The following MAN1C1 variants were observed in gnomAD, a reference collection of about 807,000 sequenced individuals.
MAN1C1 encodes the protein mannosyl-oligosaccharide 1,2-alpha-mannosidase IC.
In MAN1C1, 49 loss-of-function variants were observed where a neutral mutation model predicts 71.5. That is an observed-to-expected ratio of 0.69 (90% CI 0.54 to 0.87). The LOEUF (loss-of-function observed/expected upper bound fraction) is 0.87, where lower values mean the gene tolerates loss of function less well. Ranked by LOEUF, MAN1C1 falls within the 40% of genes least tolerant of loss-of-function variation. The probability of loss-of-function intolerance (pLI) is 0.00; values close to 1 mark genes in which losing one functional copy is unlikely to be tolerated. For missense variants in MAN1C1, 743 were observed against 835.0 expected (o/e 0.89, Z 1.36); for synonymous variants, 352 against 343.7 (o/e 1.02, Z -0.27).
chr1:25,632,464 A>C (rs1277091771), intron 1 of MAN1C1, among the ~76,000 whole-genome samples: 1 of 151,662 alleles, frequency 6.6e-6, no homozygotes, highest in Non-Finnish European at 1.5e-5. Context: ...TTTTTATTTC[A>C]TCTTTTGTAT....
chr1:25,694,253 A>G (rs75228458), intron 2 of MAN1C1, among the ~76,000 whole-genome samples: 1 of 152,168 alleles, frequency 6.6e-6, no homozygotes, highest in Admixed American at 6.5e-5. Flanking sequence ...CCCTGTAAAA[A>G]GTAGCAGTTC....
chr1:25,763,737 T>C, intron 6 of MAN1C1, 137 bp from the exon 7 acceptor site: 1 of 705,108 alleles, frequency 1.4e-6, no homozygotes, highest in Non-Finnish European at 2.5e-6. Context: ...TGCAGTCCGT[T>C]GGGCAGCTCT....
chr1:25,781,537 A>T (rs1341053059), intron 10 of MAN1C1, among the ~76,000 whole-genome samples: 1 of 150,638 alleles, frequency 6.6e-6, no homozygotes, highest in Non-Finnish European at 1.5e-5. Flanking sequence ...GGACCCCCCC[A>T]CCCTAGTCTC....
At chr1:25,641,620 G>C (rs1241354075) in intron 1 of MAN1C1, among the ~76,000 whole-genome samples, 2 of 152,200 alleles carry the variant, frequency 1.3e-5, no homozygotes, top group Admixed American at 1.3e-4. Flanking sequence ...AAATTTAATT[G>C]GTCTTGGGTG....
At chr1:25,659,360 C>A (rs1246310783) in intron 1 of MAN1C1, among the ~76,000 whole-genome samples, 2 of 152,180 alleles carry the variant, frequency 1.3e-5, no homozygotes, top group Middle Eastern at 3.2e-3. Context: ...GGAGCTGCTG[C>A]TTTGGTCCTC....
intron 1 of MAN1C1, among the ~76,000 whole-genome samples, chr1:25,664,117 G>T (rs1056914896): frequency 7.2e-5 from 11 of 152,148 alleles, no homozygotes; most frequent in African/African-American, 2.7e-4. Context: ...TGGGTAGAGG[G>T]GCCCAGTATG....
At chr1:25,641,366 C>T (rs1469366446) in intron 1 of MAN1C1, among the ~76,000 whole-genome samples, 2 of 152,190 alleles carry the variant, frequency 1.3e-5, no homozygotes, top group African/African-American at 2.4e-5. Flanking sequence ...ACCTCCCCTC[C>T]CCACTCCAAG....
intron 2 of MAN1C1, among the ~76,000 whole-genome samples, chr1:25,712,432 CAGA>C (rs747568716): frequency 1.3e-5 from 2 of 152,182 alleles, no homozygotes; most frequent in Non-Finnish European, 2.9e-5. Context: ...CCCAGCCTAG[CAGA>C]AGAAGTGAGT....
At chr1:25,756,021 G>A (rs141056724) in intron 5 of MAN1C1, among the ~76,000 whole-genome samples, 3 of 152,282 alleles carry the variant, frequency 2.0e-5, no homozygotes, top group African/African-American at 4.8e-5. Flanking sequence ...CTGTGGCCTC[G>A]CCCTCATTCT....
chr1:25,734,340 G>A (rs575695764), intron 2 of MAN1C1, among the ~76,000 whole-genome samples: 1 of 152,180 alleles, frequency 6.6e-6, no homozygotes, highest in South Asian at 2.1e-4. Context: ...TGTTGGCCAG[G>A]CTGGTCTCGA....
chr1:25,663,491 A>G (rs183674460), intron 1 of MAN1C1, among the ~76,000 whole-genome samples: 1 of 152,334 alleles, frequency 6.6e-6, no homozygotes, highest in Admixed American at 6.5e-5. Context: ...TAGAACAATT[A>G]ATCTACTGTA....
In MAN1C1 at chr1:25,636,379, G is replaced by A. The variant is rs551353017; in HGVS notation, c.540+18042G>A. Among the ~76,000 whole-genome samples, 31 of 152,188 alleles carry A rather than the reference G, an allele frequency of 2.0e-4. No homozygotes were observed. In the South Asian group the frequency reaches 5.0e-3, roughly 24 times the overall value. On this transcript the variant is annotated intron_variant, in intron 1 of 11. Coordinates refer to ENST00000374332, the MANE Select transcript of MAN1C1 (RefSeq NM_020379.4). ...TAAGATAGACACTCCCAGAGCGGCC[G>A]TTTATAGACCTCCCCCCAGGAATAC...
At chr1:25,622,267 G>T (rs951037414) in intron 1 of MAN1C1, among the ~76,000 whole-genome samples, 2 of 152,200 alleles carry the variant, frequency 1.3e-5, no homozygotes, top group Non-Finnish European at 2.9e-5. Flanking sequence ...CATCAACTCT[G>T]ATTGGAAATT....
At chr1:25,748,604 G>A (rs983766629) in intron 3 of MAN1C1, among the ~76,000 whole-genome samples, 1 of 152,212 alleles carries the variant, frequency 6.6e-6, no homozygotes, top group Non-Finnish European at 1.5e-5. Context: ...CAGTGGCTCA[G>A]GTGGGGTTTA....
chr1:25,761,620 C>CTTTTTTTTTTTTTTTTTTTTTT, intron 6 of MAN1C1: 1 of 95,814 alleles, frequency 1.0e-5, no homozygotes, highest in Non-Finnish European at 1.9e-5. Context: ...ACCTCTACTT[C>CTTTTTTTTTTTTTTTTTTTTTT]TTTTTTTTTT....
intron 10 of MAN1C1, among the ~76,000 whole-genome samples, chr1:25,781,680 T>C (rs2047696777): frequency 6.6e-6 from 1 of 152,098 alleles, no homozygotes; most frequent in South Asian, 2.1e-4. Flanking sequence ...ATGCTGAGCC[T>C]TCTCTGCCCC....
At chr1:25,633,635 T>C (rs2045417070) in intron 1 of MAN1C1, among the ~76,000 whole-genome samples, 1 of 152,164 alleles carries the variant, frequency 6.6e-6, no homozygotes, top group Non-Finnish European at 1.5e-5. Flanking sequence ...TGGAATATCT[T>C]TTTCCACCCC....
At chr1:25,650,273 T>A (rs2045673307) in intron 1 of MAN1C1, among the ~76,000 whole-genome samples, 1 of 149,398 alleles carries the variant, frequency 6.7e-6, no homozygotes, top group Non-Finnish European at 1.5e-5. Flanking sequence ...TCTCTGGCTC[T>A]AAAGGGATTA....
intron 1 of MAN1C1, among the ~76,000 whole-genome samples, chr1:25,656,419 T>C (rs1259957078): frequency 2.0e-5 from 3 of 152,110 alleles, no homozygotes; most frequent in Non-Finnish European, 4.4e-5. Flanking sequence ...TTTAAAGACG[T>C]CGTTTCATAA....
Sources: gnomAD v4.1 joint callset for allele counts (sites outside exome capture counted in the v4.1 genomes callset) on GRCh38, gnomAD v4.1.1 for gene constraint, MANE v1.5 for transcripts, NCBI Gene and HGNC (gene_info 2026-07-23, HGNC 2026-07-21) for gene names.